RUNDC1: variants seen among roughly 807,000 people sequenced by gnomAD.
The protein encoded by RUNDC1 is RUN domain containing 1.
Under a neutral mutation model 49.3 loss-of-function variants are expected in RUNDC1, and 31 were observed. The ratio of observed to expected loss-of-function variants is 0.63; its 90% CI spans 0.47 to 0.85. The LOEUF is 0.85. RUNDC1 is among the 40% of genes least tolerant of loss of function. The pLI, the probability that RUNDC1 is intolerant of heterozygous loss-of-function variation, is 0.00. For missense variants in RUNDC1, 715 were observed against 806.7 expected (o/e 0.89, Z 1.38); for synonymous variants, 347 against 348.6 (o/e 1.00, Z 0.05).
Position 42,991,206 on chromosome 17 carries a change from C to G in RUNDC1, c.1332C>G (p.Ala444=). The G allele has an allele frequency of 6.2e-7, 1 of 1,614,208 alleles. No homozygotes were observed. The highest frequency in any genetic ancestry group is 8.5e-7 in the Non-Finnish European group (1 of 1,180,044). The part of the protein sequence containing the change: ...VRDLLAHGLY[A]SSPGMSLVMA... ...ACCTGCTGGCCCATGGACTGTATGC[C>G]TCCTCCCCAGGGATGAGCCTTGTTA... The change falls in exon 5 of 5, where the codon GCC becomes GCG. Residue 444 remains alanine, a synonymous_variant. Transcript: ENST00000361677.
chr17:42,989,494 A>G lies in RUNDC1; in HGVS notation c.811A>G (p.Lys271Glu). The G allele has an allele frequency of 6.2e-7, 1 of 1,614,234 alleles. No homozygotes were observed. Among genetic ancestry groups the G allele is most frequent in the South Asian group, 1.1e-5 (1 of 91,078 alleles). ...RVKEQLVEQL[K>E]TQIRDLEMFI... ...CAAAGAACAGTTGGTTGAGCAACTG[A>G]AAACTCAGATCCGAGACCTTGAGAT... The change falls in exon 3 of 5, where the codon AAA becomes GAA. Residue 271 changes from lysine to glutamate, a missense_variant. Transcript: ENST00000361677.
intron 1 of RUNDC1, among the ~76,000 whole-genome samples, chr17:42,986,397 G>A (rs1034322272): frequency 3.9e-5 from 6 of 152,158 alleles, no homozygotes; most frequent in Admixed American, 3.3e-4. Context: ...AGTTACAGGC[G>A]TGAGACACCA....
intron 1 of RUNDC1, among the ~76,000 whole-genome samples, chr17:42,984,690 T>C (rs549733103): frequency 3.3e-5 from 5 of 152,246 alleles, no homozygotes; most frequent in Admixed American, 3.3e-4. Flanking sequence ...GTGACAGAGT[T>C]CAACAGACTT....
In RUNDC1 at chr17:42,989,379, T is replaced by C; in HGVS notation, c.696T>C (p.Asn232=). Residue 232 remains asparagine, a synonymous_variant, in exon 3 of 5, where the codon AAT becomes AAC. Coordinates refer to ENST00000361677, the MANE Select transcript of RUNDC1 (RefSeq NM_173079.5). ...IDELIKKLDM[N]LNEDISSLST... The stretch of plus-strand genomic sequence containing the variant: ...AGTTAATAAAGAAACTGGACATGAA[T>C]CTGAATGAGGACATCAGTTCCCTGT... 1 of 1,614,034 alleles carries C rather than the reference T, an allele frequency of 6.2e-7. No individual in the cohort carries two copies. The highest frequency in any genetic ancestry group is 1.3e-5 in the African/African-American group (1 of 75,016).
chr17:42,985,638 C>G (rs201751832), intron 1 of RUNDC1: 2 of 38,442 alleles, frequency 5.2e-5, no homozygotes, highest in Admixed American at 2.0e-3. Flanking sequence ...TCTCTCATTA[C>G]TTACTTCTTC....
At position 42,985,737 on chromosome 17, in the gene RUNDC1, C is replaced by T. The variant is rs1210406249; in HGVS notation, c.499-1519C>T. On this transcript the variant is annotated intron_variant, in intron 1 of 4. Coordinates refer to ENST00000361677, the MANE Select transcript of RUNDC1 (RefSeq NM_173079.5). ...CAGCCTTGCCCCTACAAATGATTTG[C>T]TGGTTTTGCTTTTTGTTTTTGAGAC... The T allele has an allele frequency of 1.2e-5, 12 of 974,444 alleles. No homozygotes were observed. The East Asian group carries it at 4.6e-4, about 37-fold the overall frequency. The allele number at this position is 974,444 out of a possible 1,614,324, so 60.4% of individuals were successfully genotyped here. A position where few individuals can be genotyped will look rare whatever the true frequency, so the allele number is the denominator to read the frequency against.
chr17:42,987,844 C>T (rs1348143725), intron 2 of RUNDC1, among the ~76,000 whole-genome samples: 1 of 152,138 alleles, frequency 6.6e-6, no homozygotes, highest in Non-Finnish European at 1.5e-5. Flanking sequence ...CCTCTGCCTC[C>T]TGGGTTCAAG....
chr17:42,980,861 G>C lies in RUNDC1; in HGVS notation c.285G>C (p.Leu95=). 6.9e-7 allele frequency: 1 copy of C among 1,455,326 alleles called. No individual in the cohort carries two copies. The highest frequency in any genetic ancestry group is 9.0e-7 in the Non-Finnish European group (1 of 1,111,432). The allele number at this position is 1,455,326 out of a possible 1,614,324, so 90.2% of individuals were successfully genotyped here. A position where few individuals can be genotyped will look rare whatever the true frequency, so the allele number is the denominator to read the frequency against. The stretch of plus-strand genomic sequence containing the variant: ...GGCGGCGGCTGGACTCGGCGCTGCT[G>C]GCGCTGTCCTCGCACTTCGCGCAGG... ...AERRRLDSAL[L]ALSSHFAQVQ... is the part of the protein sequence containing the mutation. The change falls in exon 1 of 5, where the codon CTG becomes CTC. Residue 95 remains leucine (L), a synonymous_variant. Transcript: ENST00000361677.
rs1457255878 is a variant in RUNDC1 at position 42,992,972 on chromosome 17, A to G, written c.*1256A>G. ...AACATTCCTCTGCTCACCTCCCAAC[A>G]AGACTAACAGTCTTTTTAGAAGTAA... On this transcript the variant is annotated 3_prime_UTR_variant, in exon 5 of 5. Coordinates refer to ENST00000361677, the MANE Select transcript of RUNDC1 (RefSeq NM_173079.5). The G allele has an allele frequency of 6.6e-6, 1 of 152,232 alleles. No individual in the cohort carries two copies. Among genetic ancestry groups the G allele is most frequent in the Non-Finnish European group, 1.5e-5 (1 of 68,040 alleles). The allele number at this position is 152,232 out of a possible 1,614,324, so 9.4% of individuals were successfully genotyped here. A position where few individuals can be genotyped will look rare whatever the true frequency, so the allele number is the denominator to read the frequency against.
At chr17:42,981,333 G>A (rs2050083528) in intron 1 of RUNDC1, 6 of 502,652 alleles carry the variant, frequency 1.2e-5, no homozygotes, top group Middle Eastern at 9.5e-4. Context: ...GTAGAGGAGC[G>A]GTGAGCGAAG....
chr17:42,994,346 C>A lies in RUNDC1; in HGVS notation c.*2630C>A, dbSNP rs1022005078. 6.6e-6 allele frequency among the ~76,000 whole-genome samples: 1 copy of A among 152,204 alleles called. No homozygotes were observed. Among genetic ancestry groups the A allele is most frequent in the African/African-American group, 2.4e-5 (1 of 41,450 alleles). ...TTGTCTCATTCTAATTAAATTCTCA[C>A]TACTTACAAAGTGGGACAGTATTAT... On this transcript the variant is annotated 3_prime_UTR_variant, in exon 5 of 5. Coordinates refer to ENST00000361677, the MANE Select transcript of RUNDC1 (RefSeq NM_173079.5).
intron 1 of RUNDC1, among the ~76,000 whole-genome samples, chr17:42,984,251 C>T (rs1309656456): frequency 1.3e-5 from 2 of 151,382 alleles, no homozygotes; most frequent in African/African-American, 4.9e-5. Context: ...GCTGGGATTA[C>T]AGGCATGAGC....
chr17:42,988,023 A>T (rs1015565227), intron 2 of RUNDC1, among the ~76,000 whole-genome samples: 3 of 151,744 alleles, frequency 2.0e-5, no homozygotes, highest in African/African-American at 7.3e-5. Context: ...AAGTGCTGGG[A>T]TTACAGGCGT....
At position 42,980,694 on chromosome 17, in the gene RUNDC1, T is replaced by G. The variant is rs2050063597; in HGVS notation, c.118T>G (p.Trp40Gly). 1 of 1,564,634 alleles carries G rather than the reference T, an allele frequency of 6.4e-7. No individual in the cohort carries two copies. Among genetic ancestry groups the G allele is most frequent in the Admixed American group, 1.9e-5 (1 of 51,806 alleles). The change falls in exon 1 of 5, where the codon TGG (tryptophan) becomes GGG (glycine). Residue 40 changes from tryptophan to glycine, a missense_variant. Physicochemically the swap from Trp to Gly is radical, Grantham distance 184. Around this residue, in one of 5 missense-constraint regions of RUNDC1, gnomAD observed 153 missense variants for 139.4 expected, o/e 1.10. Coordinates refer to ENST00000361677, the MANE Select transcript of RUNDC1 (RefSeq NM_173079.5). ...EPLPPCEAVR[W>G]APVGAVAEAR... ...GCTGCCACCGTGCGAGGCGGTGCGC[T>G]GGGCCCCAGTGGGGGCGGTGGCGGA...
At position 42,990,439 on chromosome 17, in the gene RUNDC1, A is replaced by G. The variant is rs552080551; in HGVS notation, c.976+3A>G. On this transcript the variant is annotated splice_donor_region_variant and intron_variant, in intron 4 of 4. Transcript: ENST00000361677. ...AACGCCTCCAGGAAACAGCAAAAGTAAGTGCAGTTTCCAGAACAGGCAAAT... is the reference window on the plus strand; with the variant it reads ...AACGCCTCCAGGAAACAGCAAAAGTGAGTGCAGTTTCCAGAACAGGCAAAT... 1 of 1,613,680 alleles carries G rather than the reference A, an allele frequency of 6.2e-7. No individual in the cohort carries two copies. The highest frequency in any genetic ancestry group is 8.5e-7 in the Non-Finnish European group (1 of 1,179,890).
rs572783690 is a variant in RUNDC1, at chr17:42,982,543, G to T, written c.498+1469G>T. On this transcript the variant is annotated intron_variant, in intron 1 of 4. Coordinates refer to ENST00000361677, the MANE Select transcript of RUNDC1 (RefSeq NM_173079.5). ...ACAGCACCAAAGGTTCTACATGATAGGAAACTCTGTTGTTCATTTTCACCT... is the reference window on the plus strand; with the variant it reads ...ACAGCACCAAAGGTTCTACATGATATGAAACTCTGTTGTTCATTTTCACCT... 5.3e-5 allele frequency among the ~76,000 whole-genome samples: 8 copies of T among 152,192 alleles called. No individual in the cohort carries two copies. In the South Asian group the frequency reaches 1.7e-3, roughly 32 times the overall value.
At chr17:42,982,333 C>T (rs1345807847) in intron 1 of RUNDC1, among the ~76,000 whole-genome samples, 1 of 152,126 alleles carries the variant, frequency 6.6e-6, no homozygotes, top group African/African-American at 2.4e-5. Flanking sequence ...ATGTGGCTTT[C>T]TTCCCACTTA....
chr17:42,990,997 G>A lies in RUNDC1; in HGVS notation c.1123G>A (p.Asp375Asn). ...PPTLWQRVQA[D>N]RDYSPLLKRL... is the part of the protein sequence containing the mutation. ...AACCCTGTGGCAGAGGGTCCAGGCT[G>A]ACAGAGACTACTCTCCCTTGCTGAA... is the stretch of plus-strand genomic sequence containing the variant. The change falls in exon 5 of 5, where the codon GAC becomes AAC. Residue 375 changes from aspartate (D) to asparagine (N), a missense_variant. Coordinates refer to ENST00000361677, the MANE Select transcript of RUNDC1 (RefSeq NM_173079.5). The A allele has an allele frequency of 1.2e-6, 2 of 1,614,198 alleles. No individual in the cohort carries two copies. Among genetic ancestry groups the A allele is most frequent in the Non-Finnish European group, 1.7e-6 (2 of 1,180,010 alleles).
Position 42,991,860 on chromosome 17 carries a change from G to T in RUNDC1, c.*144G>T. 1.2e-6 allele frequency: 1 copy of T among 830,372 alleles called. No homozygotes were observed. Among genetic ancestry groups the T allele is most frequent in the Non-Finnish European group, 1.9e-6 (1 of 538,502 alleles). The allele number at this position is 830,372 out of a possible 1,614,324, so 51.4% of individuals were successfully genotyped here. On this transcript the variant is annotated 3_prime_UTR_variant, in exon 5 of 5. Coordinates refer to ENST00000361677, the MANE Select transcript of RUNDC1 (RefSeq NM_173079.5). Reference sequence around the variant, plus strand: ...AGGCAGTCGGCCAAATGAGTGCAAAGTCTGTTTTCCCCACCAACTTAGCTC... The same window carrying T: ...AGGCAGTCGGCCAAATGAGTGCAAATTCTGTTTTCCCCACCAACTTAGCTC...
Sources: gnomAD v4.1 joint callset for allele counts (sites outside exome capture counted in the v4.1 genomes callset) on GRCh38, gnomAD v4.1.1 for gene constraint, gnomAD v4.1.1 regional missense constraint, MANE v1.5 for transcripts, NCBI Gene and HGNC (gene_info 2026-07-23, HGNC 2026-07-21) for gene names.